PTBP3: variants seen among roughly 807,000 people sequenced by gnomAD.
PTBP3 encodes the protein polypyrimidine tract binding protein 3.
PTBP3 carries 20 observed loss-of-function variants against 58.7 expected under a neutral mutation model. The observed-to-expected ratio is 0.34, with a 90% CI of 0.24 to 0.50. The LOEUF is 0.50. Among genes scored for constraint, PTBP3 ranks in the 20% least tolerant of loss-of-function variants. The pLI, the probability that PTBP3 is intolerant of heterozygous loss-of-function variation, is 0.98. For missense variants in PTBP3, 509 were observed against 637.2 expected, an observed-to-expected ratio of 0.80 and a Z score of 2.17; for synonymous variants, 185 against 219.8, an observed-to-expected ratio of 0.84 and a Z score of 1.40.
rs1370926802 is a variant in PTBP3 at position 112,220,614 on chromosome 9, T to G, written c.*3237A>C. 1.0e-6 allele frequency: 1 copy of G among 995,132 alleles called. No individual in the cohort carries two copies. The highest frequency in any genetic ancestry group is 1.1e-4 in the East Asian group (1 of 9,316). The allele number at this position is 995,132 out of a possible 1,614,324, so 61.6% of individuals were successfully genotyped here. A position where few individuals can be genotyped will look rare whatever the true frequency, so the allele number is the denominator to read the frequency against. Reference sequence around the variant, plus strand: ...ATTTCAATATTTAGTCTTAAAGAATTTATGGCATTCTGTAAGAGCTGCTGG... The same window carrying G: ...ATTTCAATATTTAGTCTTAAAGAATGTATGGCATTCTGTAAGAGCTGCTGG... On this transcript the variant is annotated 3_prime_UTR_variant, in exon 14 of 14. Coordinates refer to ENST00000374257, the MANE Select transcript of PTBP3 (RefSeq NM_001163788.4).
rs1430574372 is a variant in PTBP3 at position 112,223,820 on chromosome 9, T to A, written c.*31A>T. ...TCTGAAGGTTTTACTGAAATTATGG[T>A]CCAGTTTTAGGAGAAAAATTCACAG... is the stretch of plus-strand genomic sequence containing the variant. On this transcript the variant is annotated 3_prime_UTR_variant, in exon 14 of 14. Coordinates refer to ENST00000374257, the MANE Select transcript of PTBP3 (RefSeq NM_001163788.4). 2 of 1,613,098 alleles carry A rather than the reference T, an allele frequency of 1.2e-6. No individual in the cohort carries two copies. The highest frequency in any genetic ancestry group is 1.7e-5 in the Admixed American group (1 of 59,926).
intron 2 of PTBP3, among the ~76,000 whole-genome samples, chr9:112,279,508 AGAATAAGACATCCACCCACATTTTAAAT>A (rs1272141596): frequency 1.5e-4 from 23 of 152,166 alleles, no homozygotes; most frequent in Non-Finnish European, 2.6e-4. Context: ...TACTTTAGAT[AGAATAAGACATCCACCCACATTTTAAAT>A]GCAGGGTTTG....
rs1834867490 is a variant in PTBP3, at chr9:112,223,364, T to C, written c.*487A>G. On this transcript the variant is annotated 3_prime_UTR_variant, in exon 14 of 14. Transcript: ENST00000374257. ...TGGCAAAGATCTGATGTACTTTATATGTGAATATAATTTCCTACAAGGGTC... is the reference window on the plus strand; with the variant it reads ...TGGCAAAGATCTGATGTACTTTATACGTGAATATAATTTCCTACAAGGGTC... The C allele has an allele frequency of 2.1e-6, 2 of 969,758 alleles. No individual in the cohort carries two copies. The highest frequency in any genetic ancestry group is 2.5e-6 in the Non-Finnish European group (2 of 814,732). The allele number at this position is 969,758 out of a possible 1,614,324, so 60.1% of individuals were successfully genotyped here.
rs758689719 is a variant in PTBP3, at chr9:112,332,895, G to C, written c.-52+575C>G. On this transcript the variant is annotated intron_variant, in intron 1 of 13. Transcript: ENST00000374257. ...CGAGAAAGCGTTAACGTATCTCACA[G>C]CACAAGTCGGGAGACCTCGGCCAAG... 753 of 1,597,870 alleles carry C rather than the reference G, an allele frequency of 4.7e-4. 5 individuals are homozygous for C. In the Middle Eastern group the frequency reaches 0.015, roughly 32 times the overall value.
At chr9:112,312,594 A>AAC (rs1318901322) in intron 1 of PTBP3, among the ~76,000 whole-genome samples, 1 of 150,042 alleles carries the variant, frequency 6.7e-6, no homozygotes, top group Non-Finnish European at 1.5e-5. Context: ...GGAAATGATA[A>AAC]ATGAAAAATG....
At position 112,259,824 on chromosome 9, in the gene PTBP3, C is replaced by A. The variant is rs74914754; in HGVS notation, c.516+2611G>T. Among the ~76,000 whole-genome samples, 82 of 152,344 alleles carry A rather than the reference C, an allele frequency of 5.4e-4. 1 individual carries two copies. The East Asian group carries it at 0.016, about 29-fold the overall frequency. ...TCCCCTACCATAATATTCACCACATCTTATGCCATTATTTATGAAATTAGT... is the reference window on the plus strand; with the variant it reads ...TCCCCTACCATAATATTCACCACATATTATGCCATTATTTATGAAATTAGT... On this transcript the variant is annotated intron_variant, in intron 5 of 13. Transcript: ENST00000374257.
At chr9:112,320,314 ATT>A (rs67226574) in intron 1 of PTBP3, among the ~76,000 whole-genome samples, 12,857 of 75,538 alleles carry the variant, frequency 0.17, 1,384 homozygotes, top group East Asian at 0.22. Context: ...ATATATATAT[ATT>A]TTTTTTTAAG....
intron 5 of PTBP3, among the ~76,000 whole-genome samples, chr9:112,261,485 T>C (rs1419039406): frequency 1.3e-5 from 2 of 152,200 alleles, no homozygotes; most frequent in Admixed American, 6.5e-5. Flanking sequence ...AATTCTTACA[T>C]ATACAAGCAC....
At chr9:112,372,252 ATT>A in the PTBP3 span, among the ~76,000 whole-genome samples, 2 of 151,720 alleles carry the variant, frequency 1.3e-5, no homozygotes, top group African/African-American at 4.8e-5. Flanking sequence ...AATTAAAAGA[ATT>A]TTTTTTGTAG....
At chr9:112,306,866 T>A (rs1829243803) in intron 1 of PTBP3, among the ~76,000 whole-genome samples, 1 of 152,224 alleles carries the variant, frequency 6.6e-6, no homozygotes, top group South Asian at 2.1e-4. Context: ...TCCACCCACC[T>A]TGGCCTCCCA....
chr9:112,237,694 G>C (rs1835487660), intron 7 of PTBP3, among the ~76,000 whole-genome samples: 1 of 152,128 alleles, frequency 6.6e-6, no homozygotes, highest in East Asian at 1.9e-4. Flanking sequence ...TCATGGGGTA[G>C]CAGGCCAGAA....
chr9:112,287,736 C>CATGTATTT (rs1828208083), intron 2 of PTBP3, among the ~76,000 whole-genome samples: 1 of 152,138 alleles, frequency 6.6e-6, no homozygotes, highest in South Asian at 2.1e-4. Context: ...TGAATGCCAT[C>CATGTATTT]ATGTATTTTT....
At chr9:112,309,377 T>C (rs945828879) in intron 1 of PTBP3, among the ~76,000 whole-genome samples, 1 of 152,360 alleles carries the variant, frequency 6.6e-6, no homozygotes, top group South Asian at 2.1e-4. Context: ...AGTTTCACTA[T>C]ACCATATGCA....
At chr9:112,245,029 C>T (rs1186603660) in intron 7 of PTBP3, among the ~76,000 whole-genome samples, 1 of 152,214 alleles carries the variant, frequency 6.6e-6, no homozygotes, top group East Asian at 1.9e-4. Flanking sequence ...CTAAGCTCAG[C>T]CGGGCACAGT....
At chr9:112,374,030 G>A in the PTBP3 span, among the ~76,000 whole-genome samples, 1 of 152,030 alleles carries the variant, frequency 6.6e-6, no homozygotes, top group Non-Finnish European at 1.5e-5. Flanking sequence ...GAAGGGTCTG[G>A]GCCATTTATA....
intron 2 of PTBP3, chr9:112,281,257 T>C (rs1827851742): frequency 4.9e-6 from 1 of 205,996 alleles, no homozygotes. Context: ...TCTCCATTCT[T>C]TCCTTCAGAG....
In PTBP3 at chr9:112,218,747, G is replaced by C. The variant is rs1293901153; in HGVS notation, c.*5104C>G. 6.6e-6 allele frequency: 1 copy of C among 152,434 alleles called. No individual in the cohort carries two copies. The highest frequency in any genetic ancestry group is 2.4e-5 in the African/African-American group (1 of 41,372). 9.4% of individuals were successfully genotyped at this position (152,434 alleles called of 1,614,324 possible). On this transcript the variant is annotated 3_prime_UTR_variant, in exon 14 of 14. Coordinates refer to ENST00000374257, the MANE Select transcript of PTBP3 (RefSeq NM_001163788.4). ...ACTGCTGCTTATCCAAAATATACAA[G>C]ACAATTGATGTTTTATATAAAACCA...
the PTBP3 span, among the ~76,000 whole-genome samples, chr9:112,345,426 A>T: frequency 7.3e-6 from 1 of 136,764 alleles, no homozygotes; most frequent in African/African-American, 2.7e-5. Flanking sequence ...CCCAGGCTGG[A>T]GTGCAGTGGA....
In PTBP3 at chr9:112,231,363, A is replaced by G; in HGVS notation, c.1054+17T>C. 6.4e-7 allele frequency: 1 copy of G among 1,569,950 alleles called. No individual in the cohort carries two copies. Among genetic ancestry groups the G allele is most frequent in the Non-Finnish European group, 8.7e-7 (1 of 1,148,634 alleles). ...TCACACCTGTAGACAATAATAAAAT[A>G]GCAAAAATGAACTTACCAAATAGGA... On this transcript the variant is annotated intron_variant, in intron 10 of 13. Coordinates refer to ENST00000374257, the MANE Select transcript of PTBP3 (RefSeq NM_001163788.4).
Sources: gnomAD v4.1 joint callset for allele counts (sites outside exome capture counted in the v4.1 genomes callset) on GRCh38, gnomAD v4.1.1 for gene constraint, MANE v1.5 for transcripts, NCBI Gene and HGNC (gene_info 2026-07-23, HGNC 2026-07-21) for gene names.